The following ZNF33B variants were observed in gnomAD, a reference collection of about 807,000 sequenced individuals.
ZNF33B encodes zinc finger protein 33B.
ZNF33B carries 29 observed loss-of-function variants against 45.8 expected under a neutral mutation model. That is an observed-to-expected ratio of 0.63 (90% CI 0.47 to 0.86). The LOEUF is 0.86. ZNF33B is among the 40% of genes least tolerant of loss of function. ZNF33B has a pLI of 0.00. For missense variants in ZNF33B, 831 were observed against 909.9 expected, an observed-to-expected ratio of 0.91 and a Z score of 1.12; for synonymous variants, 305 against 307.8, an observed-to-expected ratio of 0.99 and a Z score of 0.10.
intron 2 of ZNF33B, among the ~76,000 whole-genome samples, chr10:42,634,539 G>A (rs756876770): frequency 1.3e-5 from 2 of 152,154 alleles, no homozygotes; most frequent in Non-Finnish European, 2.9e-5. Context: ...ATTTGCTGAA[G>A]AAAAAATGTG....
rs1837210298 is a variant in ZNF33B, at chr10:42,593,042, G to C, written c.1908C>G (p.Pro636=). 6.2e-7 allele frequency: 1 copy of C among 1,613,938 alleles called. No homozygotes were observed. Among genetic ancestry groups the C allele is most frequent in the African/African-American group, 1.3e-5 (1 of 74,976 alleles). The stretch of plus-strand genomic sequence containing the variant: ...CTTTTCCACACTCATTACATTCATA[G>C]GGTTTCTCCCCTATGTGAATTCTCT... ...QHQRIHIGEK[P]YECNECGKAF... The change falls in exon 5 of 5, where the codon CCC becomes CCG. Residue 636 remains proline (P), a synonymous_variant. Transcript: ENST00000359467.
chr10:42,589,469 T>C lies in ZNF33B; in HGVS notation c.*3144A>G, dbSNP rs1472122125. On this transcript the variant is annotated 3_prime_UTR_variant, in exon 5 of 5. Transcript: ENST00000359467. ...GCCATCCCTCCTTTCCCCTCAACTC[T>C]CAGCAACCACTGGTCCTTTGACTCG... The C allele has an allele frequency of 2.6e-5, 4 of 152,190 alleles. No individual in the cohort carries two copies. Among genetic ancestry groups the C allele is most frequent in the Non-Finnish European group, 5.9e-5 (4 of 68,042 alleles). The allele number at this position is 152,190 out of a possible 1,614,324, so 9.4% of individuals were successfully genotyped here. A position where few individuals can be genotyped will look rare whatever the true frequency, so the allele number is the denominator to read the frequency against.
rs541288330 is a variant in ZNF33B at position 42,638,569 on chromosome 10, G to A, written c.-140C>T. On this transcript the variant is annotated 5_prime_UTR_variant, in exon 1 of 5. Transcript: ENST00000359467. ...CACGCAAAACGTGAGACAAACAAAA[G>A]GAAAGGCGGAAACGCAGAAACGCAG... is the stretch of plus-strand genomic sequence containing the variant. The A allele has an allele frequency of 1.9e-5, 9 of 473,144 alleles. No individual in the cohort carries two copies. Among genetic ancestry groups the A allele is most frequent in the African/African-American group, 1.4e-4 (7 of 50,694 alleles). 29.3% of individuals were successfully genotyped at this position (473,144 alleles called of 1,614,324 possible). A position where few individuals can be genotyped will look rare whatever the true frequency, so the allele number is the denominator to read the frequency against.
chr10:42,636,659 A>C (rs1839316508), intron 2 of ZNF33B, among the ~76,000 whole-genome samples: 1 of 152,146 alleles, frequency 6.6e-6, no homozygotes, highest in Non-Finnish European at 1.5e-5. Flanking sequence ...ATCTCTATTA[A>C]AATGCAAAAA....
rs540533598 is a variant in ZNF33B at position 42,621,617 on chromosome 10, T to C, written c.250+10312A>G. 5.3e-5 allele frequency among the ~76,000 whole-genome samples: 8 copies of C among 152,012 alleles called. No individual in the cohort carries two copies. The South Asian group carries it at 1.7e-3, about 32-fold the overall frequency. On this transcript the variant is annotated intron_variant, in intron 4 of 4. Coordinates refer to ENST00000359467, the MANE Select transcript of ZNF33B (RefSeq NM_006955.3). ...CAAGTAAAAAAAGGACACGATCATC[T>C]CAGTTGATGCAGTAAAGGCAGTTGA...
chr10:42,624,065 C>T (rs1039662500), intron 4 of ZNF33B, among the ~76,000 whole-genome samples: 1 of 152,232 alleles, frequency 6.6e-6, no homozygotes, highest in Non-Finnish European at 1.5e-5. Context: ...CTGGTGAGGG[C>T]CTCTTCCCAG....
downstream of ZNF33B, among the ~76,000 whole-genome samples, chr10:42,587,722 T>C (rs1295868508): frequency 1.3e-5 from 2 of 152,218 alleles, no homozygotes; most frequent in Non-Finnish European, 2.9e-5. Flanking sequence ...TGCCAGGCCA[T>C]GCTCAGGCAC....
intron 4 of ZNF33B, among the ~76,000 whole-genome samples, chr10:42,622,027 C>T (rs1427846744): frequency 6.6e-6 from 1 of 152,180 alleles, no homozygotes; most frequent in Non-Finnish European, 1.5e-5. Flanking sequence ...CGTTGTGTTG[C>T]TACACACCTG....
In ZNF33B at chr10:42,593,173, T is replaced by C. The variant is rs755358147; in HGVS notation, c.1777A>G (p.Lys593Glu). The change falls in exon 5 of 5, where the codon AAA becomes GAA. Residue 593 changes from lysine to glutamate, a missense_variant. By Grantham distance (56) the Lys-to-Glu change is moderately conservative (BLOSUM62 1). Coordinates refer to ENST00000359467, the MANE Select transcript of ZNF33B (RefSeq NM_006955.3). The stretch of plus-strand genomic sequence containing the variant: ...CTATTATGTTTTGTTAGGTATGATT[T>C]ATTGTAAAAGATTTTTCCACATTCA... ...CHECGKIFYN[K>E]SYLTKHNRTH... 2 of 1,613,800 alleles carry C rather than the reference T, an allele frequency of 1.2e-6. No individual in the cohort carries two copies. Among genetic ancestry groups the C allele is most frequent in the South Asian group, 1.1e-5 (1 of 91,072 alleles).
At chr10:42,635,717 G>A (rs146717933) in intron 2 of ZNF33B, among the ~76,000 whole-genome samples, 5,133 of 150,840 alleles carry the variant, frequency 0.034, 274 homozygotes, top group African/African-American at 0.12. Flanking sequence ...GGCTGAGGCA[G>A]GAGAATCACT....
rs1324543008 is a variant in ZNF33B at position 42,602,323 on chromosome 10, TA to T, written c.251-7625del. On this transcript the variant is annotated intron_variant, in intron 4 of 4. Transcript: ENST00000359467. ...GAATTTTGATTTGTTTTTTTTTTTT[TA>T]ATCTTCTGTGTCTCTACTTAAGTTT... is the stretch of plus-strand genomic sequence containing the variant. Among the ~76,000 whole-genome samples the T allele has an allele frequency of 2.0e-5, 3 of 152,018 alleles. No homozygotes were observed. In the East Asian group the frequency reaches 5.8e-4, roughly 29 times the overall value.
At chr10:42,626,685 CTAAATAAATAAATAAATAAA>C (rs34210822) in intron 4 of ZNF33B, among the ~76,000 whole-genome samples, 4 of 142,468 alleles carry the variant, frequency 2.8e-5, no homozygotes, top group African/African-American at 1.0e-4. Context: ...AAGACTCCAT[CTAAATAAATAAATAAATAAA>C]TAAATAAATA....
intron 2 of ZNF33B, among the ~76,000 whole-genome samples, chr10:42,635,313 C>T (rs531294451): frequency 1.3e-5 from 2 of 151,330 alleles, no homozygotes; most frequent in African/African-American, 4.9e-5. Flanking sequence ...CACAATTAGT[C>T]AACTCTGCCA....
At chr10:42,622,557 C>A (rs1346716899) in intron 4 of ZNF33B, among the ~76,000 whole-genome samples, 2 of 152,076 alleles carry the variant, frequency 1.3e-5, no homozygotes, top group African/African-American at 4.8e-5. Flanking sequence ...TTGACAAGGG[C>A]GTCAATTCTA....
In ZNF33B at chr10:42,590,508, CT is replaced by C. The variant is rs1225453901; in HGVS notation, c.*2104del. The C allele has an allele frequency of 6.6e-6, 1 of 152,218 alleles. No homozygotes were observed. The highest frequency in any genetic ancestry group is 6.5e-5 in the Admixed American group (1 of 15,276). 9.4% of individuals were successfully genotyped at this position (152,218 alleles called of 1,614,324 possible). A position where few individuals can be genotyped will look rare whatever the true frequency, so the allele number is the denominator to read the frequency against. ...CAAGTGATTCTTCTGCCTCAGCCTC[CT>C]GAGTAGCTTGGACTATACACGCATG... is the stretch of plus-strand genomic sequence containing the variant. On this transcript the variant is annotated 3_prime_UTR_variant, in exon 5 of 5. Coordinates refer to ENST00000359467, the MANE Select transcript of ZNF33B (RefSeq NM_006955.3).
chr10:42,608,491 G>A (rs1564511560), intron 4 of ZNF33B, among the ~76,000 whole-genome samples: 1 of 151,858 alleles, frequency 6.6e-6, no homozygotes, highest in Non-Finnish European at 1.5e-5. Context: ...GTAAGACAAA[G>A]GAATTTTGAG....
intron 1 of ZNF33B, among the ~76,000 whole-genome samples, chr10:42,575,619 CTTTCTA>C (rs1055552400): frequency 2.6e-5 from 4 of 151,212 alleles, no homozygotes; most frequent in African/African-American, 9.7e-5. Flanking sequence ...TTGTGTTTAT[CTTTCTA>C]TATTTTATAT....
chr10:42,617,546 A>G (rs1366050864), intron 4 of ZNF33B, among the ~76,000 whole-genome samples: 1 of 152,220 alleles, frequency 6.6e-6, no homozygotes, highest in African/African-American at 2.4e-5. Flanking sequence ...TCATTCAATC[A>G]ATCTTATTCA....
intron 1 of ZNF33B, 127 bp from the exon 2 acceptor site, chr10:42,637,099 T>C (rs1162717035): frequency 3.6e-6 from 3 of 825,692 alleles, no homozygotes; most frequent in Admixed American, 2.5e-5. Context: ...AATATCAATG[T>C]CCTCTGACAC....
Sources: gnomAD v4.1 joint callset for allele counts (sites outside exome capture counted in the v4.1 genomes callset) on GRCh38, gnomAD v4.1.1 for gene constraint, MANE v1.5 for transcripts, NCBI Gene and HGNC (gene_info 2026-07-23, HGNC 2026-07-21) for gene names.